The following GALNTL6 variants were observed in gnomAD, a reference collection of about 807,000 sequenced individuals.
GALNTL6 encodes the protein polypeptide N-acetylgalactosaminyltransferase-like 6.
Under a neutral mutation model 73.7 loss-of-function variants are expected in GALNTL6, and 46 were observed. That is an observed-to-expected ratio of 0.62 (90% CI 0.49 to 0.80). The LOEUF is 0.80. Among genes scored for constraint, GALNTL6 ranks in the 30% least tolerant of loss-of-function variants. GALNTL6 has a pLI of 0.00. For missense variants in GALNTL6, 604 were observed against 755.0 expected, an observed-to-expected ratio of 0.80 and a Z score of 2.34; for synonymous variants, 259 against 263.7, an observed-to-expected ratio of 0.98 and a Z score of 0.17.
intron 7 of GALNTL6, among the ~76,000 whole-genome samples, chr4:172,817,756 A>C (rs1560972869): frequency 6.6e-6 from 1 of 152,218 alleles, no homozygotes; most frequent in Non-Finnish European, 1.5e-5. Flanking sequence ...ACCACTAAAC[A>C]ATGTCCAAGA....
At chr4:172,880,147 T>G (rs1016589805) in intron 7 of GALNTL6, among the ~76,000 whole-genome samples, 1 of 152,024 alleles carries the variant, frequency 6.6e-6, no homozygotes, top group African/African-American at 2.4e-5. Context: ...TTATTCCACT[T>G]CTAGGAATAT....
chr4:172,502,023 A>T (rs1161692799), intron 5 of GALNTL6, among the ~76,000 whole-genome samples: 1 of 152,174 alleles, frequency 6.6e-6, no homozygotes, highest in Non-Finnish European at 1.5e-5. Context: ...AATACACTTT[A>T]TGGGAGTAAT....
intron 7 of GALNTL6, among the ~76,000 whole-genome samples, chr4:172,852,714 T>C (rs1743901151): frequency 6.6e-6 from 1 of 152,098 alleles, no homozygotes; most frequent in Admixed American, 6.5e-5. Flanking sequence ...AGGACTATTA[T>C]AAATTTTTGT....
At chr4:172,585,191 T>C (rs1285219110) in intron 5 of GALNTL6, among the ~76,000 whole-genome samples, 1 of 152,170 alleles carries the variant, frequency 6.6e-6, no homozygotes, top group Non-Finnish European at 1.5e-5. Flanking sequence ...GTATTATCTG[T>C]TTTATATCCT....
At chr4:173,000,010 A>T (rs1057153600) in intron 10 of GALNTL6, among the ~76,000 whole-genome samples, 1 of 152,118 alleles carries the variant, frequency 6.6e-6, no homozygotes, top group Non-Finnish European at 1.5e-5. Context: ...CTCTTCACAA[A>T]ATGGCACCAA....
chr4:172,889,317 G>A (rs1223285642), intron 8 of GALNTL6, among the ~76,000 whole-genome samples: 1 of 152,118 alleles, frequency 6.6e-6, no homozygotes, highest in Non-Finnish European at 1.5e-5. Context: ...GTGAGGATGG[G>A]CATCCTTGTT....
intron 7 of GALNTL6, among the ~76,000 whole-genome samples, chr4:172,829,926 A>C (rs1421558661): frequency 6.6e-6 from 1 of 152,258 alleles, no homozygotes; most frequent in Non-Finnish European, 1.5e-5. Flanking sequence ...GAGTCTAAAA[A>C]ATAAATTATA....
At chr4:172,084,251 T>G (rs1221857557) in intron 2 of GALNTL6, among the ~76,000 whole-genome samples, 2 of 152,104 alleles carry the variant, frequency 1.3e-5, no homozygotes, top group Non-Finnish European at 2.9e-5. Context: ...AGGTTTGCAG[T>G]AGGTTGTGAT....
intron 5 of GALNTL6, among the ~76,000 whole-genome samples, chr4:172,399,778 T>G (rs531840471): frequency 6.6e-6 from 1 of 152,220 alleles, no homozygotes; most frequent in East Asian, 1.9e-4. Flanking sequence ...ACCAGCAAAA[T>G]AGAATGTAAC....
intron 9 of GALNTL6, among the ~76,000 whole-genome samples, chr4:172,941,234 A>G (rs1330114140): frequency 6.6e-6 from 1 of 152,188 alleles, no homozygotes; most frequent in African/African-American, 2.4e-5. Context: ...AATATTAAGC[A>G]TTTCTTGAGC....
At chr4:171,858,184 A>C (rs895397223) in intron 2 of GALNTL6, among the ~76,000 whole-genome samples, 2 of 152,182 alleles carry the variant, frequency 1.3e-5, no homozygotes, top group Non-Finnish European at 2.9e-5. Context: ...CATTGCAAAA[A>C]GTTAGGTAAA....
chr4:171,984,616 T>A (rs2111085207), intron 2 of GALNTL6, among the ~76,000 whole-genome samples: 1 of 152,248 alleles, frequency 6.6e-6, no homozygotes, highest in African/African-American at 2.4e-5. Context: ...TAAATCAACT[T>A]ACTTTGTAGG....
intron 3 of GALNTL6, among the ~76,000 whole-genome samples, chr4:172,286,785 T>C (rs1220259316): frequency 6.6e-6 from 1 of 152,154 alleles, no homozygotes; most frequent in Non-Finnish European, 1.5e-5. Context: ...AAAATATTCA[T>C]AACTGGGACT....
At chr4:172,816,142 G>A (rs1340787206) in intron 7 of GALNTL6, among the ~76,000 whole-genome samples, 1 of 152,214 alleles carries the variant, frequency 6.6e-6, no homozygotes, top group Admixed American at 6.5e-5. Flanking sequence ...CCGCCAAAGT[G>A]TATGGTTTTC....
intron 2 of GALNTL6, among the ~76,000 whole-genome samples, chr4:172,187,955 ATAT>A (rs1454603369): frequency 6.6e-6 from 1 of 152,098 alleles, no homozygotes; most frequent in African/African-American, 2.4e-5. Flanking sequence ...TTGTTAGAAC[ATAT>A]TATCTGATTC....
intron 3 of GALNTL6, among the ~76,000 whole-genome samples, chr4:172,290,715 A>G (rs907669648): frequency 6.6e-6 from 1 of 151,942 alleles, no homozygotes; most frequent in African/African-American, 2.4e-5. Context: ...ATAATATACA[A>G]TATCATGTAA....
chr4:172,955,393 G>C (rs1749664449), intron 10 of GALNTL6, among the ~76,000 whole-genome samples: 1 of 151,898 alleles, frequency 6.6e-6, no homozygotes, highest in African/African-American at 2.4e-5. Context: ...TAGGAGAATC[G>C]CTTGAACCCG....
chr4:171,894,522 A>G (rs1736853186), intron 2 of GALNTL6, among the ~76,000 whole-genome samples: 1 of 152,252 alleles, frequency 6.6e-6, no homozygotes, highest in Non-Finnish European at 1.5e-5. Context: ...CTGTAGAGAA[A>G]GAAAACATAA....
At chr4:172,031,976 C>T (rs1481332482) in intron 2 of GALNTL6, among the ~76,000 whole-genome samples, 2 of 152,018 alleles carry the variant, frequency 1.3e-5, no homozygotes, top group Non-Finnish European at 2.9e-5. Context: ...GGAGAAGCAC[C>T]ATCTTTTACC....
Sources: allele counts gnomAD v4.1 joint callset (sites outside exome capture counted in the v4.1 genomes callset), GRCh38; gene constraint gnomAD v4.1.1; transcripts MANE v1.5; gene names NCBI Gene and HGNC (gene_info 2026-07-23, HGNC 2026-07-21).